SLC19A1: variants seen among roughly 807,000 people sequenced by gnomAD.
SLC19A1 encodes the protein solute carrier family 19 member 1.
Under a neutral mutation model 35.3 loss-of-function variants are expected in SLC19A1, and 37 were observed. That is an observed-to-expected ratio of 1.05 (90% confidence interval 0.81 to 1.38). The LOEUF (loss-of-function observed/expected upper bound fraction) is 1.38, where lower values mean the gene tolerates loss of function less well. Among genes scored for constraint, SLC19A1 ranks in the 40% most tolerant of loss-of-function variants. The pLI is 0.00. For missense variants in SLC19A1, 831 were observed against 826.9 expected, an observed-to-expected ratio of 1.00 and a Z score of -0.06; for synonymous variants, 460 against 398.5, an observed-to-expected ratio of 1.15 and a Z score of -1.84.
chr21:45,509,734 C>A, downstream of SLC19A1: 2 of 712,222 alleles, frequency 2.8e-6, no homozygotes, highest in Admixed American at 4.0e-5. Flanking sequence ...CGGCTCAGGG[C>A]CACTCAGGGC....
downstream of SLC19A1, chr21:45,510,330 C>T (rs967500524): frequency 1.9e-5 from 29 of 1,493,356 alleles, no homozygotes; most frequent in African/African-American, 8.4e-5. Context: ...GAACTCCCAG[C>T]GGGGAGCTCC....
At chr21:45,529,351 C>G (rs144944011) in intron 4 of SLC19A1, among the ~76,000 whole-genome samples, 2 of 152,174 alleles carry the variant, frequency 1.3e-5, no homozygotes, top group Non-Finnish European at 2.9e-5. Context: ...CAAACAGGCT[C>G]GTGACCAGCA....
In SLC19A1 at chr21:45,534,451, A is replaced by G; in HGVS notation, c.190-2303T>C. On this transcript the variant is annotated intron_variant, in intron 2 of 5. Transcript: ENST00000311124. This position sits in a 1 kb window ranked among gnomAD's most constrained non-coding sequence, Gnocchi z 4.2. ...GGTTCTGCCCACAGCCCAGAGTCAA[A>G]ATGGTAGACAGCCAGCAGAGAGGCT... 2 of 1,097,450 alleles carry G rather than the reference A, an allele frequency of 1.8e-6. No individual in the cohort carries two copies. Among genetic ancestry groups the G allele is most frequent in the Non-Finnish European group, 1.3e-6 (1 of 755,618 alleles). 68.0% of individuals were successfully genotyped at this position (1,097,450 alleles called of 1,614,324 possible).
At chr21:45,509,030 G>A (rs1457381952), downstream of SLC19A1, among the ~76,000 whole-genome samples, 5 of 152,162 alleles carry the variant, frequency 3.3e-5, no homozygotes, top group African/African-American at 9.7e-5. Context: ...GAAGGTCGCC[G>A]TGTTGAGGTC....
At chr21:45,503,816 AAAAAT>A (rs1219201946) in intron 3 of SLC19A1, 1 of 374,314 alleles carries the variant, frequency 2.7e-6, no homozygotes, top group Admixed American at 4.4e-5. Context: ...AAAATAAAAT[AAAAAT>A]AAAAAGGCAC....
Position 45,534,439 on chromosome 21 carries a change from G to C in SLC19A1, c.190-2291C>G. ...GGCCGGGGCACAGGTTCTGCCCACAGCCCAGAGTCAAAATGGTAGACAGCC... is the reference window on the plus strand; with the variant it reads ...GGCCGGGGCACAGGTTCTGCCCACACCCCAGAGTCAAAATGGTAGACAGCC... On this transcript the variant is annotated intron_variant, in intron 2 of 5. Transcript: ENST00000311124. The surrounding 1 kb of genome is among the most constrained non-coding windows in gnomAD (Gnocchi z 4.2). 1 of 988,424 alleles carries C rather than the reference G, an allele frequency of 1.0e-6. No individual in the cohort carries two copies. 61.2% of individuals were successfully genotyped at this position (988,424 alleles called of 1,614,324 possible). A position where few individuals can be genotyped will look rare whatever the true frequency, so the allele number is the denominator to read the frequency against.
At chr21:45,545,847 G>A (rs992494408), upstream of SLC19A1, among the ~76,000 whole-genome samples, 5 of 152,318 alleles carry the variant, frequency 3.3e-5, 1 homozygote, top group South Asian at 1.0e-3. Flanking sequence ...CTTGCTGAAT[G>A]ACAGGTGCTT....
intron 1 of SLC19A1, among the ~76,000 whole-genome samples, chr21:45,558,114 C>T (rs537359620): frequency 1.2e-4 from 18 of 152,372 alleles, no homozygotes; most frequent in African/African-American, 3.8e-4. Flanking sequence ...GTGGTTAGCA[C>T]GTCCCGTGCT....
chr21:45,505,842 G>T (rs767176091), intron 3 of SLC19A1: 1 of 1,600,688 alleles, frequency 6.2e-7, no homozygotes, highest in African/African-American at 1.3e-5. Flanking sequence ...CAGCAGGTGA[G>T]GCTCTGGGCT....
chr21:45,542,657 C>T (rs2078349960), upstream of SLC19A1, among the ~76,000 whole-genome samples: 1 of 150,936 alleles, frequency 6.6e-6, no homozygotes, highest in African/African-American at 2.4e-5. Flanking sequence ...TGCGGCCCTA[C>T]CCCTGGGGCC....
At chr21:45,541,706 A>G (rs1053530695) in intron 1 of SLC19A1, 2 of 152,308 alleles carry the variant, frequency 1.3e-5, no homozygotes, top group African/African-American at 2.4e-5. Context: ...AGTTGCACCT[A>G]CAAAGCTTCT....
At chr21:45,506,545 C>G (rs1353037254) in intron 3 of SLC19A1, 1 of 200,202 alleles carries the variant, frequency 5.0e-6, no homozygotes, top group Admixed American at 5.3e-5. Context: ...AGTGGCCGCT[C>G]TGATCCAGGT....
At chr21:45,538,175 G>A (rs544895044) in intron 1 of SLC19A1, among the ~76,000 whole-genome samples, 167 bp from the exon 2 acceptor site, 1 of 152,294 alleles carries the variant, frequency 6.6e-6, no homozygotes, top group East Asian at 1.9e-4. Flanking sequence ...CAAACTGGGA[G>A]CCACCCACAC....
chr21:45,534,625 A>C lies in SLC19A1; in HGVS notation c.190-2477T>G. Reference sequence around the variant, plus strand: ...GCCTCATCAGGCACCTCCTGGTCTTAGTTGAGGGTCTGAGCGCAGAGCTCC... The same window carrying C: ...GCCTCATCAGGCACCTCCTGGTCTTCGTTGAGGGTCTGAGCGCAGAGCTCC... On this transcript the variant is annotated intron_variant, in intron 2 of 5. Transcript: ENST00000311124. The surrounding 1 kb of genome is among the most constrained non-coding windows in gnomAD (Gnocchi z 4.2). 6.5e-7 allele frequency: 1 copy of C among 1,535,172 alleles called. No homozygotes were observed. The highest frequency in any genetic ancestry group is 1.2e-5 in the South Asian group (1 of 84,050).
chr21:45,511,710 AGG>A (rs1258352240), downstream of SLC19A1, among the ~76,000 whole-genome samples: 1 of 152,170 alleles, frequency 6.6e-6, no homozygotes, highest in Non-Finnish European at 1.5e-5. Context: ...TCATGCATTT[AGG>A]GGTGTCTCGG....
downstream of SLC19A1, chr21:45,509,325 C>A (rs764547226): frequency 1.9e-6 from 3 of 1,539,296 alleles, no homozygotes; most frequent in Non-Finnish European, 1.7e-6. Context: ...AGGGTCCCCC[C>A]GCCGACAGGC....
At chr21:45,556,012 C>G (rs2078557668) in intron 1 of SLC19A1, among the ~76,000 whole-genome samples, 1 of 152,200 alleles carries the variant, frequency 6.6e-6, no homozygotes, top group African/African-American at 2.4e-5. Context: ...GGAAGACCCC[C>G]GCCCTAATCC....
intron 3 of SLC19A1, chr21:45,505,801 C>T: frequency 6.5e-7 from 1 of 1,538,788 alleles, no homozygotes; most frequent in Non-Finnish European, 8.8e-7. Flanking sequence ...CCCGCCCTCC[C>T]CGCCAAGCCC....
chr21:45,522,646 A>T (rs1178042235), intron 5 of SLC19A1, among the ~76,000 whole-genome samples: 1 of 152,286 alleles, frequency 6.6e-6, no homozygotes, highest in Non-Finnish European at 1.5e-5. Flanking sequence ...AACAGCACTC[A>T]GCAGCAAGAA....
Sources: allele counts gnomAD v4.1 joint callset (sites outside exome capture counted in the v4.1 genomes callset), GRCh38; gene constraint gnomAD v4.1.1; non-coding constraint Gnocchi (gnomAD v3.1); transcripts MANE v1.5; gene names NCBI Gene and HGNC (gene_info 2026-07-23, HGNC 2026-07-21).